The following C12orf42 variants were observed in gnomAD, a reference collection of about 807,000 sequenced individuals.
C12orf42 encodes the protein chromosome 12 open reading frame 42, also known as uncharacterized protein C12orf42.
In C12orf42, 25 loss-of-function variants were observed where a neutral mutation model predicts 21.6. The ratio of observed to expected loss-of-function variants is 1.16; its 90% CI spans 0.84 to 1.62. The LOEUF (loss-of-function observed/expected upper bound fraction) is 1.62. Ranked by LOEUF, C12orf42 falls within the 40% of genes most tolerant of loss-of-function variation. C12orf42 has a pLI of 0.00. For synonymous variants in C12orf42, 174 were observed against 175.0 expected (o/e 0.99, Z 0.05); for missense variants, 483 against 459.3 (o/e 1.05, Z -0.47).
At chr12:103,189,593 G>A in the C12orf42 span, among the ~76,000 whole-genome samples, 1 of 152,178 alleles carries the variant, frequency 6.6e-6, no homozygotes, top group Non-Finnish European at 1.5e-5. Context: ...TGTAGGCCTG[G>A]GGTAGGCCTG....
intron 5 of C12orf42, among the ~76,000 whole-genome samples, chr12:103,274,236 G>A (rs978923484): frequency 6.6e-5 from 10 of 152,156 alleles, no homozygotes; most frequent in Non-Finnish European, 1.3e-4. Flanking sequence ...TGGCAGAGCA[G>A]GATTCAAACT....
At chr12:103,169,538 T>C in the C12orf42 span, among the ~76,000 whole-genome samples, 1 of 152,158 alleles carries the variant, frequency 6.6e-6, no homozygotes, top group Admixed American at 6.6e-5. Flanking sequence ...ATATGGTTAG[T>C]ATGTATAAGA....
At chr12:103,462,084 G>GT (rs1324403868) in intron 2 of C12orf42, among the ~76,000 whole-genome samples, 1 of 34,784 alleles carries the variant, frequency 2.9e-5, no homozygotes, top group Non-Finnish European at 6.7e-5. Flanking sequence ...TTTTTGTTTT[G>GT]TTTTTTGCTT....
the C12orf42 span, among the ~76,000 whole-genome samples, chr12:103,110,249 G>A: frequency 6.6e-6 from 1 of 152,122 alleles, no homozygotes. Flanking sequence ...GTATCAACAT[G>A]GTGAAACTAG....
rs147884923 is a variant in C12orf42 at position 103,488,951 on chromosome 12, A to G, written c.-22+6951T>C. Among the ~76,000 whole-genome samples the G allele has an allele frequency of 1.9e-3, 292 of 152,254 alleles. 7 individuals carry two copies. The East Asian group carries it at 0.042, about 22-fold the overall frequency. ...GACCTTCTGAAGCCTACTTCTGTCA[A>G]CTCATCAAAGTCATTCTCCAACCAG... On this transcript the variant is annotated intron_variant, in intron 1 of 5. Transcript: ENST00000548883.
downstream of C12orf42, among the ~76,000 whole-genome samples, chr12:103,298,234 G>A (rs2136425886): frequency 6.6e-6 from 1 of 152,208 alleles, no homozygotes; most frequent in East Asian, 1.9e-4. Context: ...ATCTCCTTAA[G>A]CTGATAAGCA....
In C12orf42 at chr12:103,252,175, T is replaced by C. The variant is rs7964115; in HGVS notation, c.*1366+11151A>G. Among the ~76,000 whole-genome samples, 814 of 152,326 alleles carry C rather than the reference T, an allele frequency of 5.3e-3. 9 individuals are homozygous for C. The highest frequency in any genetic ancestry group is 0.019 in the African/African-American group (784 of 41,568). ...TCCATGGTGTATATGTGCCACATTT[T>C]CTTTATCCAGTCTATAATTGACGGG... On this transcript the variant is annotated intron_variant and NMD_transcript_variant, in intron 10 of 10. Transcript: ENST00000547347.
At chr12:103,552,357 C>A in the C12orf42 span, among the ~76,000 whole-genome samples, 1 of 152,010 alleles carries the variant, frequency 6.6e-6, no homozygotes, top group Non-Finnish European at 1.5e-5. Flanking sequence ...TTAAGCCTGT[C>A]TGAGAATAAA....
At chr12:103,507,178 T>TA in the C12orf42 span, among the ~76,000 whole-genome samples, 1 of 24,302 alleles carries the variant, frequency 4.1e-5, no homozygotes, top group Admixed American at 7.5e-4. Flanking sequence ...TATATTTATA[T>TA]TATATATAAT....
chr12:103,266,102 T>G (rs1238623312), downstream of C12orf42, among the ~76,000 whole-genome samples: 1 of 152,164 alleles, frequency 6.6e-6, no homozygotes, highest in Non-Finnish European at 1.5e-5. Flanking sequence ...CAATGTGTCT[T>G]CTTTCTATTA....
intron 2 of C12orf42, chr12:103,456,081 G>C (rs1477435765): frequency 6.6e-6 from 1 of 152,100 alleles, no homozygotes; most frequent in Non-Finnish European, 1.5e-5. Flanking sequence ...TTCTGAGGGT[G>C]GATGGAGTCT....
the C12orf42 span, among the ~76,000 whole-genome samples, chr12:103,533,490 G>A: frequency 2.6e-5 from 4 of 152,102 alleles, no homozygotes; most frequent in South Asian, 2.1e-4. Flanking sequence ...GATGACCCCC[G>A]GGTCTATGTA....
chr12:103,368,914 G>T lies in C12orf42; in HGVS notation c.232C>A (p.Arg78Ser). ...GGAAAATTCAGAAAGTGTAGACTAC[G>T]AAATTTAGGAGATTCAGAGAAATTC... ...MKNFSESPKF[R>S]SLHFLNFPVF... Residue 78 changes from arginine (R) to serine (S), a missense_variant, in exon 4 of 6, where the codon CGT (arginine) becomes AGT (serine). Transcript: ENST00000548883. The T allele has an allele frequency of 6.3e-7, 1 of 1,587,476 alleles. No individual in the cohort carries two copies. Among genetic ancestry groups the T allele is most frequent in the Non-Finnish European group, 8.6e-7 (1 of 1,162,416 alleles).
intron 9 of C12orf42, chr12:103,263,464 C>T (rs1222504846): frequency 6.6e-6 from 1 of 152,116 alleles, no homozygotes; most frequent in African/African-American, 2.4e-5. Context: ...CACTACTGGA[C>T]TTCCATTGTT....
chr12:103,319,866 T>A (rs191776558), intron 4 of C12orf42, among the ~76,000 whole-genome samples: 76 of 152,276 alleles, frequency 5.0e-4, no homozygotes, highest in Non-Finnish European at 9.4e-4. Flanking sequence ...GTCATTTCCA[T>A]CAAAGGCACA....
At chr12:103,255,840 A>G (rs1337240874) in intron 10 of C12orf42, among the ~76,000 whole-genome samples, 1 of 150,790 alleles carries the variant, frequency 6.6e-6, no homozygotes, top group Non-Finnish European at 1.5e-5. Context: ...TCACGAGGTC[A>G]GGAGATCGAC....
At chr12:103,083,039 G>A in the C12orf42 span, among the ~76,000 whole-genome samples, 1 of 152,076 alleles carries the variant, frequency 6.6e-6, no homozygotes, top group Admixed American at 6.6e-5. Context: ...GTGAAGCCTC[G>A]GGTAGACTAT....
the C12orf42 span, among the ~76,000 whole-genome samples, chr12:103,189,849 A>C: frequency 6.6e-6 from 1 of 152,296 alleles, no homozygotes; most frequent in Non-Finnish European, 1.5e-5. Flanking sequence ...CTTACTAAAA[A>C]TATTTGGCCA....
At chr12:103,130,986 GA>G in the C12orf42 span, among the ~76,000 whole-genome samples, 3 of 152,178 alleles carry the variant, frequency 2.0e-5, no homozygotes, top group African/African-American at 4.8e-5. Flanking sequence ...AACCTCTCTA[GA>G]AAGAATTTCT....
Sources: allele counts gnomAD v4.1 joint callset (sites outside exome capture counted in the v4.1 genomes callset), GRCh38; gene constraint gnomAD v4.1.1; transcripts MANE v1.5; gene names NCBI Gene and HGNC (gene_info 2026-07-23, HGNC 2026-07-21).